Variants in UNC13C observed in about 807,000 individuals in gnomAD.
UNC13C encodes the protein unc-13 homolog C.
A neutral mutation model predicts 245.4 loss-of-function variants in UNC13C; 174 were observed. That is an observed-to-expected ratio of 0.71 (90% CI 0.63 to 0.80). UNC13C has a LOEUF of 0.80. Ranked by LOEUF, UNC13C falls within the 30% of genes least tolerant of loss-of-function variation. The pLI is 0.00. For synonymous variants in UNC13C, 992 were observed against 895.1 expected, an observed-to-expected ratio of 1.11 and a Z score of -1.93; for missense variants, 2,829 against 2,602.9, an observed-to-expected ratio of 1.09 and a Z score of -1.89.
At chr15:54,003,566 T>C (rs1343994773) in intron 1 of UNC13C, among the ~76,000 whole-genome samples, 2 of 152,180 alleles carry the variant, frequency 1.3e-5, no homozygotes, top group African/African-American at 4.8e-5. Flanking sequence ...AGTAGATGTA[T>C]ATATTTATGG....
intron 2 of UNC13C, among the ~76,000 whole-genome samples, chr15:54,054,717 T>C (rs915030682): frequency 2.0e-5 from 3 of 152,222 alleles, no homozygotes; most frequent in Admixed American, 6.5e-5. Flanking sequence ...CAGTATCAAT[T>C]ATTTGCATTA....
At chr15:53,949,408 T>A in the UNC13C span, among the ~76,000 whole-genome samples, 1 of 152,192 alleles carries the variant, frequency 6.6e-6, no homozygotes, top group Admixed American at 6.5e-5. Flanking sequence ...TTATTTTGGT[T>A]CTATGATGTC....
rs554483895 is a variant in UNC13C at position 54,361,584 on chromosome 15, A to T, written c.4713+23095A>T. ...ACAATGCTTGCATTGATGTCTTCACATTTGAGAAGAGAATCACCTTGCCCA... is the reference window on the plus strand; with the variant it reads ...ACAATGCTTGCATTGATGTCTTCACTTTTGAGAAGAGAATCACCTTGCCCA... On this transcript the variant is annotated intron_variant, in intron 17 of 32. Coordinates refer to ENST00000260323, the MANE Select transcript of UNC13C (RefSeq NM_001080534.3). 4.6e-5 allele frequency among the ~76,000 whole-genome samples: 7 copies of T among 152,292 alleles called. No homozygotes were observed. The South Asian group carries it at 8.3e-4, about 18-fold the overall frequency.
intron 10 of UNC13C, among the ~76,000 whole-genome samples, chr15:54,286,970 T>C (rs1944219675): frequency 1.3e-5 from 2 of 152,220 alleles, no homozygotes; most frequent in Admixed American, 1.3e-4. Flanking sequence ...AAGAGAATTA[T>C]TTTTAATTAA....
intron 19 of UNC13C, among the ~76,000 whole-genome samples, chr15:54,469,403 T>G (rs1892339705): frequency 6.6e-6 from 1 of 151,480 alleles, no homozygotes; most frequent in South Asian, 2.1e-4. Flanking sequence ...CCCATTTGGA[T>G]GCCTTTCATT....
At chr15:53,962,641 C>A in the UNC13C span, among the ~76,000 whole-genome samples, 2 of 152,176 alleles carry the variant, frequency 1.3e-5, no homozygotes, top group African/African-American at 4.8e-5. Context: ...TTATAAGATG[C>A]TGACTGTTCC....
rs1184599138 is a variant in UNC13C at position 54,303,145 on chromosome 15, C to A, written c.4268+2772C>A. 2.0e-5 allele frequency among the ~76,000 whole-genome samples: 3 copies of A among 152,126 alleles called. No homozygotes were observed. The East Asian group carries it at 5.8e-4, about 29-fold the overall frequency. ...CTAATGGTCATCATCCCTTGTTCATCCACATCCAGTAATAGGGAGCTCACT... is the reference window on the plus strand; with the variant it reads ...CTAATGGTCATCATCCCTTGTTCATACACATCCAGTAATAGGGAGCTCACT... On this transcript the variant is annotated intron_variant, in intron 13 of 32. Coordinates refer to ENST00000260323, the MANE Select transcript of UNC13C (RefSeq NM_001080534.3).
At chr15:54,304,557 C>T (rs572595843) in intron 13 of UNC13C, among the ~76,000 whole-genome samples, 1 of 151,552 alleles carries the variant, frequency 6.6e-6, no homozygotes, top group East Asian at 1.9e-4. Flanking sequence ...TTCCAAATGA[C>T]CTAAACCCAC....
intron 4 of UNC13C, among the ~76,000 whole-genome samples, chr15:54,149,470 G>A (rs920833190): frequency 2.3e-4 from 35 of 152,146 alleles, no homozygotes; most frequent in African/African-American, 8.2e-4. Context: ...TATAGCCAGT[G>A]ACTCATCATG....
At chr15:54,043,838 A>G (rs1896914174) in intron 2 of UNC13C, among the ~76,000 whole-genome samples, 1 of 152,214 alleles carries the variant, frequency 6.6e-6, no homozygotes, top group African/African-American at 2.4e-5. Flanking sequence ...TGGCATTATT[A>G]AAGACCATTT....
intron 4 of UNC13C, among the ~76,000 whole-genome samples, chr15:54,205,063 A>T (rs1596002456): frequency 6.6e-6 from 1 of 152,000 alleles, no homozygotes; most frequent in Admixed American, 6.6e-5. Context: ...CCTAATCCTG[A>T]CTGATAATCA....
intron 14 of UNC13C, among the ~76,000 whole-genome samples, chr15:54,329,254 T>C (rs189411758): frequency 1.3e-5 from 2 of 152,102 alleles, no homozygotes; most frequent in African/African-American, 4.8e-5. Flanking sequence ...ATCGATCATC[T>C]CAAGCATTTA....
intron 1 of UNC13C, among the ~76,000 whole-genome samples, chr15:54,002,058 G>C (rs564547782): frequency 6.6e-6 from 1 of 152,176 alleles, no homozygotes; most frequent in Non-Finnish European, 1.5e-5. Flanking sequence ...AGGCCGAGGC[G>C]GGTGGATCAC....
intron 30 of UNC13C, among the ~76,000 whole-genome samples, chr15:54,610,067 T>C (rs1334583066): frequency 1.3e-5 from 2 of 152,056 alleles, no homozygotes; most frequent in African/African-American, 4.8e-5. Flanking sequence ...CAAGATGAGA[T>C]TTGGGTGGGG....
intron 14 of UNC13C, among the ~76,000 whole-genome samples, chr15:54,327,069 C>T (rs542660539): frequency 1.3e-5 from 2 of 152,034 alleles, no homozygotes; most frequent in African/African-American, 4.8e-5. Flanking sequence ...GTGTTGAACG[C>T]ACTCATGGGT....
At chr15:54,370,378 A>G (rs111572768) in intron 17 of UNC13C, among the ~76,000 whole-genome samples, 7,217 of 152,238 alleles carry the variant, frequency 0.047, 251 homozygotes, top group Admixed American at 0.11. Flanking sequence ...TTAGTTCACT[A>G]AATACCTCAT....
At chr15:54,184,820 C>G (rs1035480330) in intron 4 of UNC13C, among the ~76,000 whole-genome samples, 1 of 152,118 alleles carries the variant, frequency 6.6e-6, no homozygotes, top group African/African-American at 2.4e-5. Flanking sequence ...ATTTCTAGTT[C>G]TAGATCCCTG....
intron 10 of UNC13C, among the ~76,000 whole-genome samples, chr15:54,276,933 A>G (rs188383742): frequency 2.6e-5 from 4 of 152,266 alleles, no homozygotes; most frequent in African/African-American, 4.8e-5. Flanking sequence ...AAATATGTTT[A>G]ATAATTATTT....
At chr15:53,847,021 G>A in the UNC13C span, among the ~76,000 whole-genome samples, 1 of 152,100 alleles carries the variant, frequency 6.6e-6, no homozygotes, top group African/African-American at 2.4e-5. Context: ...TAGAGCCATT[G>A]TTCTGGTCTA....
Sources: gnomAD v4.1 joint callset for allele counts (sites outside exome capture counted in the v4.1 genomes callset) on GRCh38, gnomAD v4.1.1 for gene constraint, MANE v1.5 for transcripts, NCBI Gene and HGNC (gene_info 2026-07-23, HGNC 2026-07-21) for gene names.